IRAK3: variants seen among roughly 807,000 people sequenced by gnomAD.
The protein encoded by IRAK3 is interleukin 1 receptor associated kinase 3.
A neutral mutation model predicts 56.6 loss-of-function variants in IRAK3; 57 were observed. The observed-to-expected ratio is 1.01, with a 90% confidence interval of 0.81 to 1.26. The LOEUF (loss-of-function observed/expected upper bound fraction) is 1.26, where lower values mean the gene tolerates loss of function less well. Among genes scored for constraint, IRAK3 ranks in the 50% most tolerant of loss-of-function variants. The pLI is 0.00. For synonymous variants in IRAK3, 258 were observed against 255.7 expected (o/e 1.01, Z -0.09); for missense variants, 703 against 719.0 (o/e 0.98, Z 0.25).
At chr12:66,221,806 G>T (rs1592590887) in intron 6 of IRAK3, among the ~76,000 whole-genome samples, 1 of 152,210 alleles carries the variant, frequency 6.6e-6, no homozygotes, top group East Asian at 1.9e-4. Context: ...AGGAAGGTGG[G>T]TCACCTGAGG....
intron 1 of IRAK3, among the ~76,000 whole-genome samples, chr12:66,192,222 A>T (rs958428142): frequency 1.3e-5 from 2 of 152,188 alleles, no homozygotes; most frequent in African/African-American, 4.8e-5. Context: ...ACATTCTTTC[A>T]TTACTTCATT....
At position 66,189,355 on chromosome 12, in the gene IRAK3, A is replaced by T. The variant is rs1408873504; in HGVS notation, c.56A>T (p.Asp19Val). 1 of 1,531,020 alleles carries T rather than the reference A, an allele frequency of 6.5e-7. No homozygotes were observed. Among genetic ancestry groups the T allele is most frequent in the Non-Finnish European group, 8.7e-7 (1 of 1,145,108 alleles). 94.8% of individuals were successfully genotyped at this position (1,531,020 alleles called of 1,614,324 possible). Residue 19 changes from aspartate (D) to valine (V), a missense_variant, in exon 1 of 12, where the codon GAC (aspartate) becomes GTC (valine). By Grantham distance (152) the Asp-to-Val change is radical (BLOSUM62 -3). Coordinates refer to ENST00000261233, the MANE Select transcript of IRAK3 (RefSeq NM_007199.3). The part of the protein sequence containing the change: ...GALSAHTLLF[D>V]LPPALLGELC... ...CTGTCGGCGCACACGCTGCTGTTCG[A>T]CCTGCCGCCCGCGCTGCTCGGAGAG...
intron 8 of IRAK3, chr12:66,234,659 A>T: frequency 1.9e-6 from 3 of 1,610,020 alleles, no homozygotes; most frequent in Non-Finnish European, 1.7e-6. Context: ...GGGGGCAGAA[A>T]CTCCTGGTGG....
intron 11 of IRAK3, among the ~76,000 whole-genome samples, chr12:66,245,984 C>CCCATCA (rs1011088722): frequency 9.9e-5 from 15 of 151,928 alleles, no homozygotes; most frequent in Admixed American, 9.8e-4. Context: ...GGGAATATAT[C>CCCATCA]AGTGATCAAG....
intron 6 of IRAK3, among the ~76,000 whole-genome samples, chr12:66,219,461 A>G (rs2136932113): frequency 6.6e-6 from 1 of 152,304 alleles, no homozygotes; most frequent in East Asian, 1.9e-4. Flanking sequence ...TTCCACCATG[A>G]TTGTGGGGCA....
At chr12:66,205,814 C>T (rs2052553082) in intron 2 of IRAK3, among the ~76,000 whole-genome samples, 1 of 152,146 alleles carries the variant, frequency 6.6e-6, no homozygotes, top group Admixed American at 6.6e-5. Flanking sequence ...TTTTCCTAGT[C>T]ATATTGAAAT....
intron 8 of IRAK3, chr12:66,234,568 T>C (rs2052882208): frequency 6.2e-7 from 1 of 1,611,862 alleles, no homozygotes; most frequent in East Asian, 2.2e-5. Flanking sequence ...TATGCCATGG[T>C]CTTCCATTAG....
intron 11 of IRAK3, among the ~76,000 whole-genome samples, chr12:66,246,578 G>C (rs541420690): frequency 6.6e-6 from 1 of 152,350 alleles, no homozygotes; most frequent in East Asian, 1.9e-4. Context: ...TATCGTGCAG[G>C]GACAGAGAAT....
intron 6 of IRAK3, among the ~76,000 whole-genome samples, chr12:66,225,371 G>T (rs2052774891): frequency 6.6e-6 from 1 of 151,156 alleles, no homozygotes; most frequent in South Asian, 2.1e-4. Context: ...TATGTGTATT[G>T]TGTGTGTGTG....
chr12:66,226,717 T>C lies in IRAK3; in HGVS notation c.654-6T>C, dbSNP rs577400084. 4.6e-6 allele frequency: 7 copies of C among 1,526,290 alleles called. No homozygotes were observed. The highest frequency in any genetic ancestry group is 6.4e-6 in the Non-Finnish European group (7 of 1,100,198). The allele number at this position is 1,526,290 out of a possible 1,614,324, so 94.5% of individuals were successfully genotyped here. On this transcript the variant is annotated splice_region_variant and splice_polypyrimidine_tract_variant and intron_variant, in intron 6 of 11. Transcript: ENST00000261233. ...TTGATGGCTTTAAAACATCTTTTGT[T>C]TCAAGGTTTCATCACCCAAACATAC...
At chr12:66,217,074 A>G in intron 5 of IRAK3, 97 bp from the exon 6 acceptor site, 1 of 868,436 alleles carries the variant, frequency 1.2e-6, no homozygotes, top group Non-Finnish European at 2.0e-6. Context: ...TTTACACCAA[A>G]AAGTTCATCT....
chr12:66,249,326 C>T lies in IRAK3; in HGVS notation c.*1155C>T, dbSNP rs561918102. On this transcript the variant is annotated 3_prime_UTR_variant, in exon 12 of 12. Transcript: ENST00000261233. ...GACTACAGGCGCCCGCCACTACGCC[C>T]GGCTAATTTTTTGTATTTTTAGTAG... The T allele has an allele frequency of 1.1e-4, 16 of 151,836 alleles. No individual in the cohort carries two copies. The highest frequency in any genetic ancestry group is 7.2e-4 in the Admixed American group (11 of 15,248). The allele number at this position is 151,836 out of a possible 1,614,324, so 9.4% of individuals were successfully genotyped here. A position where few individuals can be genotyped will look rare whatever the true frequency, so the allele number is the denominator to read the frequency against.
chr12:66,244,380 T>G (rs1004953662), intron 8 of IRAK3, 106 bp from the exon 9 acceptor site: 2 of 779,746 alleles, frequency 2.6e-6, no homozygotes, highest in African/African-American at 3.5e-5. Flanking sequence ...ATTTTGACAG[T>G]GTTTCGAATT....
At position 66,253,718 on chromosome 12, in the gene IRAK3, A is replaced by T. The variant is rs528088886; in HGVS notation, c.*5547A>T. The T allele has an allele frequency of 6.6e-6, 1 of 152,362 alleles. No homozygotes were observed. The highest frequency in any genetic ancestry group is 1.9e-4 in the East Asian group (1 of 5,190). The allele number at this position is 152,362 out of a possible 1,614,324, so 9.4% of individuals were successfully genotyped here. A position where few individuals can be genotyped will look rare whatever the true frequency, so the allele number is the denominator to read the frequency against. ...AGGTAGGAATGGCTTACTTGCGGAA[A>T]TGCAGGCTCATTGTTGTGTCTAGTA... On this transcript the variant is annotated 3_prime_UTR_variant, in exon 12 of 12. Transcript: ENST00000261233.
chr12:66,247,193 C>T (rs2053041694), intron 11 of IRAK3, among the ~76,000 whole-genome samples: 1 of 152,148 alleles, frequency 6.6e-6, no homozygotes, highest in Admixed American at 6.5e-5. Flanking sequence ...TTGCCTGAAC[C>T]TGGGAGGCGT....
chr12:66,197,979 G>A, intron 1 of IRAK3: 1 of 985,304 alleles, frequency 1.0e-6, no homozygotes. Flanking sequence ...CATTCCCTGG[G>A]ACTTGAAATG....
rs778063095 is a variant in IRAK3 at position 66,226,842 on chromosome 12, G to A, written c.768+5G>A. The A allele has an allele frequency of 6.8e-7, 1 of 1,467,050 alleles. No individual in the cohort carries two copies. The highest frequency in any genetic ancestry group is 2.3e-5 in the East Asian group (1 of 44,230). The allele number at this position is 1,467,050 out of a possible 1,614,324, so 90.9% of individuals were successfully genotyped here. ...TTTGACAGATTGCAGTGTGTAGTAA[G>A]TTCTATCTATTATTCTGTCTGATCC... On this transcript the variant is annotated splice_donor_5th_base_variant and intron_variant, in intron 7 of 11. Transcript: ENST00000261233.
intron 8 of IRAK3, among the ~76,000 whole-genome samples, chr12:66,240,330 C>T (rs370099245): frequency 7.0e-4 from 107 of 152,202 alleles, no homozygotes; most frequent in African/African-American, 2.1e-3. Flanking sequence ...GCCTTTGCAC[C>T]GAGTGCCTAG....
chr12:66,226,811 A>G lies in IRAK3; in HGVS notation c.742A>G (p.Thr248Ala), dbSNP rs751566315. The change falls in exon 7 of 12, where the codon ACA (threonine) becomes GCA (alanine). Residue 248 changes from threonine (T) to alanine (A), a missense_variant. Thr to Ala is a moderately conservative substitution (Grantham distance 58). Coordinates refer to ENST00000261233, the MANE Select transcript of IRAK3 (RefSeq NM_007199.3). The part of the protein sequence containing the change: ...CLIYPYMRNG[T>A]LFDRLQCVGD... The stretch of plus-strand genomic sequence containing the variant: ...GATTTATCCATACATGAGAAATGGA[A>G]CACTTTTTGACAGATTGCAGTGTGT... 1 of 1,590,820 alleles carries G rather than the reference A, an allele frequency of 6.3e-7. No individual in the cohort carries two copies. The highest frequency in any genetic ancestry group is 1.1e-5 in the South Asian group (1 of 90,560).
Sources: allele counts gnomAD v4.1 joint callset (sites outside exome capture counted in the v4.1 genomes callset), GRCh38; gene constraint gnomAD v4.1.1; transcripts MANE v1.5; gene names NCBI Gene and HGNC (gene_info 2026-07-23, HGNC 2026-07-21).